Variants in ARMC2 observed in about 807,000 individuals in gnomAD.
ARMC2 encodes armadillo repeat containing 2.
A neutral mutation model predicts 90.3 loss-of-function variants in ARMC2; 67 were observed. The ratio of observed to expected loss-of-function variants is 0.74; its 90% CI spans 0.61 to 0.91. ARMC2 has a LOEUF of 0.91. Ranked by LOEUF, ARMC2 falls within the 40% of genes least tolerant of loss-of-function variation. The pLI, the probability that ARMC2 is intolerant of heterozygous loss-of-function variation, is 0.00. For missense variants in ARMC2, 920 were observed against 1,030.9 expected, an observed-to-expected ratio of 0.89 and a Z score of 1.47; for synonymous variants, 393 against 393.0, an observed-to-expected ratio of 1.00 and a Z score of 0.00.
At chr6:108,871,979 T>C (rs1776464566) in intron 4 of ARMC2, among the ~76,000 whole-genome samples, 1 of 152,228 alleles carries the variant, frequency 6.6e-6, no homozygotes, top group African/African-American at 2.4e-5. Context: ...TGTCATCCAA[T>C]TATAAAGTTA....
At chr6:109,042,770 TCC>T in the ARMC2 span, among the ~76,000 whole-genome samples, 2 of 152,024 alleles carry the variant, frequency 1.3e-5, no homozygotes, top group Non-Finnish European at 2.9e-5. Flanking sequence ...ACTGGATAAC[TCC>T]ACCAAACATT....
the ARMC2 span, among the ~76,000 whole-genome samples, chr6:108,997,792 GA>G: frequency 1.3e-5 from 2 of 152,132 alleles, no homozygotes; most frequent in African/African-American, 4.8e-5. Context: ...ATTTATTTTT[GA>G]AGCATAAAAT....
chr6:108,936,845 G>T, intron 11 of ARMC2, 55 bp from the exon 12 acceptor site: 1 of 1,423,108 alleles, frequency 7.0e-7, no homozygotes, highest in South Asian at 1.2e-5. Flanking sequence ...ATGTGTACTT[G>T]AATTTTATAG....
the ARMC2 span, chr6:108,992,836 T>C: frequency 1.2e-6 from 2 of 1,613,812 alleles, no homozygotes; most frequent in East Asian, 2.2e-5. Flanking sequence ...GAAATCTTTA[T>C]AGCCATAACT....
At chr6:108,901,183 G>A (rs1225656761) in intron 7 of ARMC2, among the ~76,000 whole-genome samples, 15 of 123,102 alleles carry the variant, frequency 1.2e-4, no homozygotes, top group African/African-American at 4.4e-4. Flanking sequence ...GCGCAATCTC[G>A]GCTCACTGCA....
In ARMC2 at chr6:108,904,251, G is replaced by A. The variant is rs1159306369; in HGVS notation, c.869G>A (p.Cys290Tyr). Residue 290 changes from cysteine to tyrosine, a missense_variant, in exon 8 of 18, where the codon TGT (cysteine) becomes TAT (tyrosine). By Grantham distance (194) the Cys-to-Tyr change is radical. Transcript: ENST00000392644. ...LEKEENIETV[C>Y]AACTQLHHAL... ...ACAGAAGAAAACATTGAAACGGTTT[G>A]TGCTGCTTGCACACAACTTCATCAT... 9 of 1,613,724 alleles carry A rather than the reference G, an allele frequency of 5.6e-6. No homozygotes were observed. The East Asian group carries it at 1.8e-4, about 32-fold the overall frequency.
chr6:108,961,493 T>C, intron 13 of ARMC2, 79 bp from the exon 14 acceptor site: 6 of 1,454,908 alleles, frequency 4.1e-6, no homozygotes, highest in Non-Finnish European at 5.5e-6. Context: ...CTCCTGGCCC[T>C]GCTGTTGCTG....
rs374802762 is a variant in ARMC2, at chr6:108,854,481, T to C, written c.214T>C (p.Phe72Leu). ...RTSENRPPSS[F>L]SLHASSFESS... ...ATCAGAAAATAGACCTCCTTCCTCC[T>C]TCAGGTATATGGCATTTCACATTCA... The change falls in exon 2 of 18, where the codon TTC becomes CTC. Residue 72 changes from phenylalanine to leucine, a missense_variant. Physicochemically the swap from Phe to Leu is conservative, Grantham distance 22 (BLOSUM62 0). Transcript: ENST00000392644. The C allele has an allele frequency of 1.9e-6, 3 of 1,612,762 alleles. No individual in the cohort carries two copies. In the African/African-American group the frequency reaches 4.0e-5, roughly 22 times the overall value.
chr6:108,871,771 G>T (rs1776440131), intron 4 of ARMC2, among the ~76,000 whole-genome samples: 1 of 152,018 alleles, frequency 6.6e-6, no homozygotes, highest in South Asian at 2.1e-4. Flanking sequence ...GCTCTGGGAG[G>T]TGCCCTCTGC....
At chr6:108,915,494 A>T (rs1249941067) in intron 10 of ARMC2, among the ~76,000 whole-genome samples, 1 of 152,110 alleles carries the variant, frequency 6.6e-6, no homozygotes, top group Non-Finnish European at 1.5e-5. Context: ...GCTTGCTTTA[A>T]CATCTGGCAC....
At chr6:109,016,310 A>G in the ARMC2 span, among the ~76,000 whole-genome samples, 4 of 152,164 alleles carry the variant, frequency 2.6e-5, no homozygotes, top group Non-Finnish European at 5.9e-5. Flanking sequence ...TCCCCACCCT[A>G]TGATTATTAC....
chr6:108,985,123 A>G, the ARMC2 span, among the ~76,000 whole-genome samples: 3 of 152,194 alleles, frequency 2.0e-5, no homozygotes, highest in African/African-American at 7.2e-5. Context: ...ATATTCACAT[A>G]TATGAATATG....
chr6:108,889,521 GC>G (rs1770726550), intron 5 of ARMC2, among the ~76,000 whole-genome samples: 1 of 150,564 alleles, frequency 6.6e-6, no homozygotes, highest in African/African-American at 2.5e-5. Context: ...GCTCACTGCA[GC>G]CTCGACCTTC....
chr6:108,899,181 C>G (rs544682609), intron 6 of ARMC2, among the ~76,000 whole-genome samples: 1 of 152,112 alleles, frequency 6.6e-6, no homozygotes, highest in South Asian at 2.1e-4. Flanking sequence ...TTGTCAGCCC[C>G]GAAGGCCCAG....
At chr6:108,992,696 G>T in the ARMC2 span, 1 of 799,788 alleles carries the variant, frequency 1.3e-6, no homozygotes, top group Non-Finnish European at 2.2e-6. Context: ...AAAGCACTTA[G>T]CATAGTTCTC....
the ARMC2 span, among the ~76,000 whole-genome samples, chr6:109,011,200 A>C: frequency 6.6e-5 from 10 of 152,378 alleles, no homozygotes; most frequent in South Asian, 1.9e-3. Flanking sequence ...AGTGGCTTAA[A>C]ATAAGTAAAT....
intron 8 of ARMC2, chr6:108,907,811 G>A: frequency 6.2e-7 from 1 of 1,608,492 alleles, no homozygotes; most frequent in East Asian, 2.2e-5. Flanking sequence ...GATCCAGCTT[G>A]GCAGCTCCCC....
chr6:108,994,506 C>T, the ARMC2 span: 1 of 1,613,042 alleles, frequency 6.2e-7, no homozygotes, highest in Non-Finnish European at 8.5e-7. Context: ...TATTTCAAAA[C>T]GTGAAGCCAT....
At chr6:108,894,900 G>A (rs1771448239) in intron 6 of ARMC2, among the ~76,000 whole-genome samples, 1 of 150,004 alleles carries the variant, frequency 6.7e-6, no homozygotes, top group Non-Finnish European at 1.5e-5. Flanking sequence ...CTGAGTAGCT[G>A]GGACTACAGG....
Sources: gnomAD v4.1 joint callset for allele counts (sites outside exome capture counted in the v4.1 genomes callset) on GRCh38, gnomAD v4.1.1 for gene constraint, MANE v1.5 for transcripts, NCBI Gene and HGNC (gene_info 2026-07-23, HGNC 2026-07-21) for gene names.